WWOX: variants seen among roughly 807,000 people sequenced by gnomAD.
WWOX encodes the protein WW domain containing oxidoreductase.
WWOX carries 69 observed loss-of-function variants against 46.2 expected under a neutral mutation model. That is an observed-to-expected ratio of 1.49 (90% CI 1.23 to 1.82). The LOEUF is 1.82. Among genes scored for constraint, WWOX ranks in the 40% most tolerant of loss-of-function variants. The pLI is 0.00. For missense variants in WWOX, 919 were observed against 542.6 expected (o/e 1.69, Z -6.89); for synonymous variants, 359 against 202.6 (o/e 1.77, Z -6.56).
intron 5 of WWOX, among the ~76,000 whole-genome samples, chr16:78,361,930 G>C (rs942626593): frequency 1.7e-4 from 25 of 148,156 alleles, no homozygotes; most frequent in African/African-American, 5.2e-4. Context: ...GTTTATTTCT[G>C]ATTCAATTAC....
At chr16:79,125,329 A>G (rs2049728422) in intron 8 of WWOX, among the ~76,000 whole-genome samples, 1 of 152,170 alleles carries the variant, frequency 6.6e-6, no homozygotes, top group Non-Finnish European at 1.5e-5. Context: ...CCCTGAGAAC[A>G]TTTCCTAAAT....
intron 8 of WWOX, among the ~76,000 whole-genome samples, chr16:78,486,585 G>GTTTTCTTTTC (rs1555547961): frequency 6.6e-6 from 1 of 151,132 alleles, no homozygotes; most frequent in Non-Finnish European, 1.5e-5. Context: ...GTTTTGTTTT[G>GTTTTCTTTTC]TTTTGTTTTG....
rs999011235 is a variant in WWOX at position 78,164,718 on chromosome 16, T to C, written c.516+429T>C. On this transcript the variant is annotated intron_variant, in intron 5 of 8. Coordinates refer to ENST00000566780, the MANE Select transcript of WWOX (RefSeq NM_016373.4). ...GATACGTGTCTACATAAATATTTAC[T>C]AAGGGCTTGCCTTAGTCTTGGGACC... Among the ~76,000 whole-genome samples, 4 of 152,212 alleles carry C rather than the reference T, an allele frequency of 2.6e-5. No individual in the cohort carries two copies. The East Asian group carries it at 7.7e-4, about 29-fold the overall frequency.
At chr16:78,180,263 TC>T (rs1426085855) in intron 5 of WWOX, among the ~76,000 whole-genome samples, 3 of 152,194 alleles carry the variant, frequency 2.0e-5, no homozygotes, top group Non-Finnish European at 2.9e-5. Flanking sequence ...CAGAGTGGAC[TC>T]ATAATCCAGC....
chr16:78,747,557 G>C (rs1357917758), intron 8 of WWOX, among the ~76,000 whole-genome samples: 1 of 151,914 alleles, frequency 6.6e-6, no homozygotes, highest in African/African-American at 2.4e-5. Flanking sequence ...TGAGGAAACT[G>C]AGGCTAAGAG....
chr16:78,100,944 A>C (rs956415350), intron 1 of WWOX, among the ~76,000 whole-genome samples: 1 of 152,150 alleles, frequency 6.6e-6, no homozygotes, highest in African/African-American at 2.4e-5. Flanking sequence ...GTGAGGTGGA[A>C]TATCACCTGG....
At chr16:78,535,216 A>G (rs1439104271) in intron 8 of WWOX, 1 of 152,174 alleles carries the variant, frequency 6.6e-6, no homozygotes, top group Non-Finnish European at 1.5e-5. Context: ...GCTCAGGGAG[A>G]TAAGATCACC....
At chr16:79,185,452 C>T (rs1597455789) in intron 8 of WWOX, among the ~76,000 whole-genome samples, 2 of 152,116 alleles carry the variant, frequency 1.3e-5, no homozygotes, top group Middle Eastern at 3.4e-3. Context: ...TTTTCTTTAA[C>T]AATTACTTTT....
chr16:78,239,382 T>C (rs11649150), intron 5 of WWOX, among the ~76,000 whole-genome samples: 42,548 of 152,024 alleles, frequency 0.28, 6,559 homozygotes, highest in Non-Finnish European at 0.35. Context: ...TCATTCATGC[T>C]GAGACCCTGA....
chr16:78,691,367 G>A (rs1234572781), intron 8 of WWOX: 1 of 688,002 alleles, frequency 1.5e-6, no homozygotes, highest in East Asian at 2.7e-5. Flanking sequence ...AAAGGTGACA[G>A]AAAGGAAATC....
intron 5 of WWOX, among the ~76,000 whole-genome samples, chr16:78,355,130 T>C (rs934890825): frequency 1.4e-5 from 2 of 146,092 alleles, no homozygotes; most frequent in East Asian, 2.3e-4. Flanking sequence ...AGACTCTGTC[T>C]CAAAAGAAAA....
At chr16:79,151,370 C>T (rs4315347) in intron 8 of WWOX, among the ~76,000 whole-genome samples, 53,805 of 152,094 alleles carry the variant, frequency 0.35, 10,025 homozygotes, top group East Asian at 0.52. Context: ...CCCCCAAATC[C>T]GTAGGCTCTT....
At chr16:79,189,250 C>CT (rs113568947) in intron 8 of WWOX, among the ~76,000 whole-genome samples, 87 of 148,964 alleles carry the variant, frequency 5.8e-4, no homozygotes, top group South Asian at 4.5e-3. Flanking sequence ...AAGCCTATTT[C>CT]TTTTTTTTTT....
At chr16:78,467,968 G>C (rs532339833) in intron 8 of WWOX, among the ~76,000 whole-genome samples, 1 of 152,186 alleles carries the variant, frequency 6.6e-6, no homozygotes, top group East Asian at 1.9e-4. Flanking sequence ...GACATCTGTT[G>C]ACAAATGGGC....
intron 8 of WWOX, among the ~76,000 whole-genome samples, chr16:78,484,697 C>G (rs1023639189): frequency 6.6e-6 from 1 of 152,076 alleles, no homozygotes; most frequent in African/African-American, 2.4e-5. Flanking sequence ...GCTAATTTTA[C>G]TTTTCCTAGA....
chr16:79,181,897 G>T (rs1479632322), intron 8 of WWOX, among the ~76,000 whole-genome samples: 1 of 152,120 alleles, frequency 6.6e-6, no homozygotes, highest in Admixed American at 6.5e-5. Context: ...GTTCCCCACT[G>T]GGATAGAGCA....
intron 8 of WWOX, among the ~76,000 whole-genome samples, chr16:78,569,104 A>T (rs1208493211): frequency 1.3e-5 from 2 of 152,164 alleles, no homozygotes; most frequent in African/African-American, 4.8e-5. Context: ...CAGGTTTGCA[A>T]ACCGTTTCTT....
At position 78,232,614 on chromosome 16, in the gene WWOX, T is replaced by G. The variant is rs368479594; in HGVS notation, c.516+68325T>G. ...AAATTAACTTTTAAAATCTGAGGAA[T>G]TTGGAGATTATCTCCAGGGGCTGAA... On this transcript the variant is annotated intron_variant, in intron 5 of 8. Transcript: ENST00000566780. 2.5e-3 allele frequency among the ~76,000 whole-genome samples: 381 copies of G among 152,308 alleles called. 2 individuals are homozygous for G. Among genetic ancestry groups the G allele is most frequent in the African/African-American group, 8.8e-3 (366 of 41,560 alleles).
At chr16:78,613,403 A>T (rs1314020033) in intron 8 of WWOX, among the ~76,000 whole-genome samples, 1 of 152,078 alleles carries the variant, frequency 6.6e-6, no homozygotes, top group East Asian at 1.9e-4. Context: ...TCCCTGTTAC[A>T]AGGCCCCTCC....
Sources: allele counts gnomAD v4.1 joint callset (sites outside exome capture counted in the v4.1 genomes callset), GRCh38; gene constraint gnomAD v4.1.1; transcripts MANE v1.5; gene names NCBI Gene and HGNC (gene_info 2026-07-23, HGNC 2026-07-21).